The following MPDZ variants were observed in gnomAD, a reference collection of about 807,000 sequenced individuals.
MPDZ encodes the protein multiple PDZ domain crumbs cell polarity complex component.
Under a neutral mutation model 239.1 loss-of-function variants are expected in MPDZ, and 234 were observed. The ratio of observed to expected loss-of-function variants is 0.98; its 90% CI spans 0.88 to 1.09. MPDZ has a LOEUF of 1.09. Among genes scored for constraint, MPDZ ranks in the 50% least tolerant of loss-of-function variants. The pLI, the probability that MPDZ is intolerant of heterozygous loss-of-function variation, is 0.00. For missense variants in MPDZ, 3,175 were observed against 2,510.0 expected (o/e 1.26, Z -5.66); for synonymous variants, 1,048 against 881.3 (o/e 1.19, Z -3.35).
At chr9:13,169,898 G>A (rs1951568093) in intron 21 of MPDZ, among the ~76,000 whole-genome samples, 1 of 152,034 alleles carries the variant, frequency 6.6e-6, no homozygotes, top group African/African-American at 2.4e-5. Context: ...TGCAGCTCTT[G>A]CACAGCTAAC....
chr9:13,278,816 A>G (rs1019791944), intron 1 of MPDZ, among the ~76,000 whole-genome samples: 6 of 151,940 alleles, frequency 3.9e-5, no homozygotes, highest in African/African-American at 1.4e-4. Context: ...GACCAGGAGC[A>G]TTGCTGCCCA....
At chr9:13,259,202 G>A (rs140870039) in intron 1 of MPDZ, among the ~76,000 whole-genome samples, 228 of 151,740 alleles carry the variant, frequency 1.5e-3, no homozygotes, top group Non-Finnish European at 2.5e-3. Flanking sequence ...TCCAGCCTCC[G>A]CTGGATACAT....
At position 13,279,479 on chromosome 9, in the gene MPDZ, GC is replaced by G. The variant is rs1483927130; in HGVS notation, c.-138del. 1 of 148,568 alleles carries G rather than the reference GC, an allele frequency of 6.7e-6. No homozygotes were observed. The highest frequency in any genetic ancestry group is 2.4e-5 in the African/African-American group (1 of 40,936). The allele number at this position is 148,568 out of a possible 1,614,324, so 9.2% of individuals were successfully genotyped here. On this transcript the variant is annotated 5_prime_UTR_variant, in exon 1 of 47. Transcript: ENST00000319217. Reference sequence around the variant, plus strand: ...GCAGGGGTCGCCGGGGCCTCTGGATGCCTCGCCTCGCCCACGCTCACTGTCT... The same window carrying G: ...GCAGGGGTCGCCGGGGCCTCTGGATGCTCGCCTCGCCCACGCTCACTGTCT...
chr9:13,264,324 TA>T (rs1447978831), intron 1 of MPDZ, among the ~76,000 whole-genome samples: 4 of 152,172 alleles, frequency 2.6e-5, no homozygotes, highest in African/African-American at 9.7e-5. Context: ...TAAAGAATAT[TA>T]GCAGATTCAT....
intron 38 of MPDZ, chr9:13,120,232 CCTTT>C (rs1035987131): frequency 1.1e-4 from 17 of 151,756 alleles, no homozygotes; most frequent in Non-Finnish European, 1.9e-4. Context: ...TTATTCCCAT[CCTTT>C]CTTTCACAAA....
intron 26 of MPDZ, among the ~76,000 whole-genome samples, chr9:13,146,535 T>A (rs1389500687): frequency 2.0e-5 from 3 of 152,094 alleles, no homozygotes; most frequent in Admixed American, 1.3e-4. Flanking sequence ...TTGATATTTT[T>A]GTTTTAAAGA....
At chr9:13,276,055 T>C (rs923818458) in intron 1 of MPDZ, among the ~76,000 whole-genome samples, 4 of 152,206 alleles carry the variant, frequency 2.6e-5, no homozygotes, top group African/African-American at 9.7e-5. Flanking sequence ...CCTGTAACAT[T>C]TTTAACATGT....
At chr9:13,239,440 C>T (rs913850714) in intron 3 of MPDZ, among the ~76,000 whole-genome samples, 2 of 151,996 alleles carry the variant, frequency 1.3e-5, no homozygotes, top group African/African-American at 2.4e-5. Context: ...AAACCATTAA[C>T]TATAATAGAA....
In MPDZ at chr9:13,147,765, T is replaced by C. The variant is rs10809911; in HGVS notation, c.3631-107A>G. ...CTTGGTTAGACTCCTAGAAAATCTG[T>C]TTTAATATCAAAAATAATTGAGACT... is the stretch of plus-strand genomic sequence containing the variant. On this transcript the variant is annotated intron_variant, in intron 25 of 46. Transcript: ENST00000319217. 0.19 allele frequency: 138,130 copies of C among 744,624 alleles called. 15,250 individuals are homozygous for C. Among genetic ancestry groups the C allele is most frequent in the African/African-American group, 0.38 (21,797 of 56,748 alleles). The allele number at this position is 744,624 out of a possible 1,614,324, so 46.1% of individuals were successfully genotyped here.
chr9:13,275,084 C>T (rs757278913), intron 1 of MPDZ, among the ~76,000 whole-genome samples: 1 of 152,274 alleles, frequency 6.6e-6, no homozygotes, highest in East Asian at 1.9e-4. Context: ...CAAATTACCC[C>T]AGTAATGCTC....
intron 21 of MPDZ, among the ~76,000 whole-genome samples, chr9:13,168,882 T>C (rs922968692): frequency 5.3e-5 from 8 of 152,122 alleles, no homozygotes; most frequent in African/African-American, 1.9e-4. Context: ...TATGATAGTA[T>C]CAAATCAGTT....
At chr9:13,221,614 A>G (rs1362651379) in intron 6 of MPDZ, 114 bp from the exon 7 acceptor site, 3 of 1,129,526 alleles carry the variant, frequency 2.7e-6, no homozygotes, top group South Asian at 1.8e-5. Context: ...AAATTCAGAC[A>G]TAATAATGAG....
chr9:13,222,200 G>T, intron 6 of MPDZ, 33 bp downstream of exon 6: 4 of 1,570,488 alleles, frequency 2.5e-6, no homozygotes, highest in South Asian at 1.2e-5. Context: ...TGAAAAATAC[G>T]TTCTGTTCCT....
At position 13,218,607 on chromosome 9, in the gene MPDZ, G is replaced by A. The variant is rs1958662497; in HGVS notation, c.1086+952C>T. Among the ~76,000 whole-genome samples the A allele has an allele frequency of 2.6e-5, 4 of 151,862 alleles. No individual in the cohort carries two copies. In the South Asian group the frequency reaches 8.3e-4, roughly 31 times the overall value. ...AACAACAGAATCATGGAAATTACAA[G>A]TGTTCTAATAAAGTTTTAAAGGGCT... On this transcript the variant is annotated intron_variant, in intron 8 of 46. Transcript: ENST00000319217.
rs1263329986 is a variant in MPDZ at position 13,122,190 on chromosome 9, A to G, written c.4954-20T>C. ...GGCACCCTAAGGGCCCAAACAAAAC[A>G]TACCCATACTTATCCCATTCTCCTA... On this transcript the variant is annotated intron_variant, in intron 36 of 46. Coordinates refer to ENST00000319217, the MANE Select transcript of MPDZ (RefSeq NM_001378778.1). 5 of 1,607,006 alleles carry G rather than the reference A, an allele frequency of 3.1e-6. No individual in the cohort carries two copies. The South Asian group carries it at 5.5e-5, about 18-fold the overall frequency.
chr9:13,125,330 G>C lies in MPDZ; in HGVS notation c.4693C>G (p.Pro1565Ala). 1 of 1,613,868 alleles carries C rather than the reference G, an allele frequency of 6.2e-7. No individual in the cohort carries two copies. The highest frequency in any genetic ancestry group is 8.5e-7 in the Non-Finnish European group (1 of 1,179,762). Residue 1565 changes from proline to alanine, a missense_variant, in exon 35 of 47, where the codon CCA becomes GCA. By Grantham distance (27) the Pro-to-Ala change is conservative (BLOSUM62 -1). Transcript: ENST00000319217. ...TVKLTIHAEN[P>A]DSQAVPSAAG... ...GCTGAAGGAACAGCCTGGGAATCTG[G>C]ATTCTCAGCATGGATGGTAAGTTTT...
At chr9:13,177,939 G>C (rs868350881) in intron 19 of MPDZ, among the ~76,000 whole-genome samples, 7 of 152,064 alleles carry the variant, frequency 4.6e-5, no homozygotes, top group Non-Finnish European at 1.0e-4. Flanking sequence ...TGAACCACTA[G>C]AATTTCAATG....
intron 32 of MPDZ, among the ~76,000 whole-genome samples, chr9:13,131,013 G>A (rs1167220868): frequency 1.3e-5 from 2 of 152,120 alleles, no homozygotes; most frequent in Non-Finnish European, 2.9e-5. Flanking sequence ...CAAGCTCACA[G>A]GGTTGCTAAG....
chr9:13,272,021 T>C (rs1973096684), intron 1 of MPDZ, among the ~76,000 whole-genome samples: 1 of 152,136 alleles, frequency 6.6e-6, no homozygotes, highest in African/African-American at 2.4e-5. Flanking sequence ...CCAAGATGCA[T>C]GAGGAAACTT....
Sources: allele counts gnomAD v4.1 joint callset (sites outside exome capture counted in the v4.1 genomes callset), GRCh38; gene constraint gnomAD v4.1.1; transcripts MANE v1.5; gene names NCBI Gene and HGNC (gene_info 2026-07-23, HGNC 2026-07-21).